TGFB2: variants seen among roughly 807,000 people sequenced by gnomAD.
TGFB2 encodes transforming growth factor beta-2 proprotein.
A neutral mutation model predicts 42.7 loss-of-function variants in TGFB2; 13 were observed. That is an observed-to-expected ratio of 0.30 (90% CI 0.20 to 0.48). TGFB2 has a LOEUF of 0.48. TGFB2 is among the 20% of genes least tolerant of loss of function. TGFB2 has a pLI of 0.99. For synonymous variants in TGFB2, 193 were observed against 193.6 expected, an observed-to-expected ratio of 1.00 and a Z score of 0.03; for missense variants, 390 against 517.5, an observed-to-expected ratio of 0.75 and a Z score of 2.39.
At chr1:218,429,066 C>T (rs1048695581) in intron 2 of TGFB2, among the ~76,000 whole-genome samples, 5 of 151,156 alleles carry the variant, frequency 3.3e-5, no homozygotes, top group Admixed American at 1.3e-4. Flanking sequence ...CTGCAACCTC[C>T]GCCTCCTGGG....
intron 1 of TGFB2, among the ~76,000 whole-genome samples, chr1:218,387,258 G>T (rs913445906): frequency 3.3e-5 from 5 of 152,090 alleles, no homozygotes; most frequent in Non-Finnish European, 5.9e-5. Flanking sequence ...GAGTGGAGGG[G>T]AGACAGCAGG....
rs1423949415 is a variant in TGFB2, at chr1:218,441,204, G to C, written c.1087G>C (p.Val363Leu). The C allele has an allele frequency of 6.2e-7, 1 of 1,608,268 alleles. No individual in the cohort carries two copies. The highest frequency in any genetic ancestry group is 2.2e-5 in the East Asian group (1 of 44,826). ...TCTCTCCTCTCCTGTGTCCTTTCAG[G>C]TCCTGAGCTTATATAATACCATAAA... ...LWSSDTQHSR[V>L]LSLYNTINPE... The change falls in exon 7 of 7, where the codon GTC becomes CTC. Residue 363 changes from valine to leucine, a missense_variant and splice_region_variant. Val to Leu is a conservative substitution (Grantham distance 32, BLOSUM62 1). Transcript: ENST00000366930.
At position 218,444,480 on chromosome 1, in the gene TGFB2, T is replaced by C. The variant is rs998607188; in HGVS notation, c.*3118T>C. The C allele has an allele frequency of 5.9e-5, 9 of 152,176 alleles. No individual in the cohort carries two copies. Among genetic ancestry groups the C allele is most frequent in the African/African-American group, 2.2e-4 (9 of 41,442 alleles). The allele number at this position is 152,176 out of a possible 1,614,324, so 9.4% of individuals were successfully genotyped here. A position where few individuals can be genotyped will look rare whatever the true frequency, so the allele number is the denominator to read the frequency against. On this transcript the variant is annotated 3_prime_UTR_variant, in exon 7 of 7. Coordinates refer to ENST00000366930, the MANE Select transcript of TGFB2 (RefSeq NM_003238.6). ...TCAGCTACTTGCCTGTCAGTTTCAC[T>C]GGTACCACTGCACCACAAACAAAAA...
At chr1:218,356,394 T>G (rs1365641836) in intron 1 of TGFB2, among the ~76,000 whole-genome samples, 3 of 152,028 alleles carry the variant, frequency 2.0e-5, no homozygotes. Flanking sequence ...TTTTTTCAAT[T>G]TTTTTGTAGA....
At chr1:218,424,727 G>A (rs1029317636) in intron 2 of TGFB2, among the ~76,000 whole-genome samples, 1 of 152,202 alleles carries the variant, frequency 6.6e-6, no homozygotes, top group Admixed American at 6.5e-5. Flanking sequence ...CTTAACAACA[G>A]TTTGTGAATA....
intron 1 of TGFB2, among the ~76,000 whole-genome samples, chr1:218,401,357 T>C (rs1442079428): frequency 6.6e-6 from 1 of 152,074 alleles, no homozygotes; most frequent in African/African-American, 2.4e-5. Flanking sequence ...GTCCCCAAAA[T>C]ATGGTTTTGC....
At chr1:218,385,114 C>T (rs1445591344) in intron 1 of TGFB2, among the ~76,000 whole-genome samples, 1 of 149,762 alleles carries the variant, frequency 6.7e-6, no homozygotes, top group Non-Finnish European at 1.5e-5. Context: ...TTTTTTCCCC[C>T]TCTCTTACTG....
At chr1:218,386,133 C>A (rs12029576) in intron 1 of TGFB2, among the ~76,000 whole-genome samples, 82,884 of 152,026 alleles carry the variant, frequency 0.55, 26,138 homozygotes, top group Non-Finnish European at 0.7. Flanking sequence ...TACTACAGAA[C>A]AAATCTTTAT....
At chr1:218,402,988 G>C (rs951461079) in intron 1 of TGFB2, among the ~76,000 whole-genome samples, 1 of 152,100 alleles carries the variant, frequency 6.6e-6, no homozygotes. Context: ...TCATGGGGGC[G>C]GGCATATTCC....
At chr1:218,387,219 C>T (rs1452074885) in intron 1 of TGFB2, among the ~76,000 whole-genome samples, 1 of 143,516 alleles carries the variant, frequency 7.0e-6, no homozygotes, top group Middle Eastern at 3.2e-3. Flanking sequence ...GGGGCTGGGG[C>T]AGAGTCCAGT....
chr1:218,426,380 T>C (rs1483558647), intron 2 of TGFB2, among the ~76,000 whole-genome samples: 2 of 152,210 alleles, frequency 1.3e-5, no homozygotes, highest in Admixed American at 6.5e-5. Flanking sequence ...ACTTGTTTTT[T>C]CCCCCCTCAA....
At chr1:218,361,600 G>A (rs1657213243) in intron 1 of TGFB2, among the ~76,000 whole-genome samples, 1 of 152,134 alleles carries the variant, frequency 6.6e-6, no homozygotes, top group Non-Finnish European at 1.5e-5. Context: ...TGAAGAAAAA[G>A]TATTGCTAAC....
intron 1 of TGFB2, among the ~76,000 whole-genome samples, chr1:218,349,983 C>G (rs1037580251): frequency 2.6e-5 from 4 of 152,134 alleles, no homozygotes; most frequent in African/African-American, 9.7e-5. Context: ...GTTTAAGACT[C>G]GAAGTGGAGT....
At chr1:218,378,562 C>T (rs189575613) in intron 1 of TGFB2, among the ~76,000 whole-genome samples, 1 of 152,116 alleles carries the variant, frequency 6.6e-6, no homozygotes, top group South Asian at 2.1e-4. Context: ...GCTCCTCCCC[C>T]CTCGGCCTCC....
chr1:218,408,051 G>C (rs1225175769), intron 2 of TGFB2, among the ~76,000 whole-genome samples: 1 of 151,820 alleles, frequency 6.6e-6, no homozygotes, highest in Non-Finnish European at 1.5e-5. Flanking sequence ...TTCCTTCTTT[G>C]CTGACGATAG....
Position 218,437,455 on chromosome 1 carries a change from G to A in TGFB2, c.1045G>A (p.Ala349Thr), listed in dbSNP as rs1000597477. ...GTACAATGCCAACTTCTGTGCTGGA[G>A]CATGCCCGTATTTATGGAGTTCAGA... ...KGYNANFCAGACPYLWSSDTQ... is the reference protein window; with the variant it reads ...KGYNANFCAGTCPYLWSSDTQ... The change falls in exon 6 of 7, where the codon GCA (alanine) becomes ACA (threonine). Residue 349 changes from alanine to threonine, a missense_variant. Physicochemically the swap from Ala to Thr is moderately conservative, Grantham distance 58 (BLOSUM62 0). Transcript: ENST00000366930. 10 of 1,613,438 alleles carry A rather than the reference G, an allele frequency of 6.2e-6. No homozygotes were observed. The highest frequency in any genetic ancestry group is 1.6e-4 in the Middle Eastern group (1 of 6,080).
At chr1:218,405,401 C>G (rs1310263409) in intron 2 of TGFB2, 69 bp downstream of exon 2, 3 of 1,594,376 alleles carry the variant, frequency 1.9e-6, no homozygotes, top group Non-Finnish European at 2.6e-6. Flanking sequence ...CTCTCTCTCT[C>G]TGTCACAGGC....
intron 1 of TGFB2, among the ~76,000 whole-genome samples, chr1:218,400,410 G>A (rs1238835226): frequency 6.6e-6 from 1 of 152,058 alleles, no homozygotes; most frequent in African/African-American, 2.4e-5. Context: ...GGGGACCTGA[G>A]ACCCTTGCCC....
intron 1 of TGFB2, among the ~76,000 whole-genome samples, chr1:218,399,852 G>A (rs962012266): frequency 2.6e-5 from 4 of 152,038 alleles, no homozygotes; most frequent in Non-Finnish European, 4.4e-5. Flanking sequence ...GTTCTGTTAC[G>A]GTATGGGAAG....
Sources: allele counts gnomAD v4.1 joint callset (sites outside exome capture counted in the v4.1 genomes callset), GRCh38; gene constraint gnomAD v4.1.1; transcripts MANE v1.5; gene names NCBI Gene and HGNC (gene_info 2026-07-23, HGNC 2026-07-21).